B3GALT1: variants seen among roughly 807,000 people sequenced by gnomAD.
B3GALT1 encodes the protein beta-1,3-galactosyltransferase 1, also known as UDP-Gal:betaGlcNAc beta 1,3-galactosyltransferase, polypeptide 1.
Under a neutral mutation model 23.2 loss-of-function variants are expected in B3GALT1, and 10 were observed. That is an observed-to-expected ratio of 0.43 (90% CI 0.27 to 0.73). The LOEUF is 0.73. Among genes scored for constraint, B3GALT1 ranks in the 30% least tolerant of loss-of-function variants. B3GALT1 has a pLI of 0.21. For synonymous variants in B3GALT1, 156 were observed against 141.5 expected, an observed-to-expected ratio of 1.10 and a Z score of -0.73; for missense variants, 299 against 405.4, an observed-to-expected ratio of 0.74 and a Z score of 2.25.
chr2:167,361,208 A>G (rs960087065), intron 1 of B3GALT1, among the ~76,000 whole-genome samples: 1 of 121,274 alleles, frequency 8.2e-6, no homozygotes, highest in Non-Finnish European at 1.7e-5. Context: ...GATTTCCCCC[A>G]CTAGTTTTTT....
At chr2:167,515,390 T>A (rs1228791340) in intron 2 of B3GALT1, among the ~76,000 whole-genome samples, 4 of 152,162 alleles carry the variant, frequency 2.6e-5, no homozygotes, top group African/African-American at 9.6e-5. Context: ...TTACTTCAAA[T>A]TGTCCTCCTA....
intron 3 of B3GALT1, among the ~76,000 whole-genome samples, chr2:167,698,370 C>T (rs150539360): frequency 0.016 from 2,480 of 152,230 alleles, 29 homozygotes; most frequent in Non-Finnish European, 0.024. Context: ...AGATCATCTC[C>T]TTCCTATTTT....
intron 4 of B3GALT1, among the ~76,000 whole-genome samples, chr2:167,862,217 A>T (rs1006093328): frequency 2.0e-5 from 3 of 152,246 alleles, no homozygotes; most frequent in African/African-American, 7.2e-5. Context: ...AAGTCCCATG[A>T]TCTGCTCTCT....
At chr2:167,347,374 T>A (rs1697236335) in intron 1 of B3GALT1, among the ~76,000 whole-genome samples, 1 of 152,220 alleles carries the variant, frequency 6.6e-6, no homozygotes, top group Admixed American at 6.5e-5. Context: ...TAATCCTCTT[T>A]TATCTTAATT....
chr2:167,873,893 A>G lies in B3GALT1; in HGVS notation c.*3873A>G, dbSNP rs1292190885. On this transcript the variant is annotated 3_prime_UTR_variant, in exon 5 of 5. Transcript: ENST00000392690. ...ACTAAAAATGACAGACACTGAAGAT[A>G]TCATTACACTTTCTTCACCTTCCTC... 6.6e-6 allele frequency: 1 copy of G among 152,230 alleles called. No homozygotes were observed. The highest frequency in any genetic ancestry group is 1.9e-4 in the East Asian group (1 of 5,198). The allele number at this position is 152,230 out of a possible 1,614,324, so 9.4% of individuals were successfully genotyped here.
intron 2 of B3GALT1, among the ~76,000 whole-genome samples, chr2:167,559,601 A>T (rs1385285025): frequency 6.6e-6 from 1 of 152,234 alleles, no homozygotes; most frequent in Non-Finnish European, 1.5e-5. Flanking sequence ...AATACAGAGA[A>T]GTGCTTAAAG....
At chr2:167,544,338 A>G (rs7592303) in intron 2 of B3GALT1, among the ~76,000 whole-genome samples, 2,303 of 152,268 alleles carry the variant, frequency 0.015, 56 homozygotes, top group African/African-American at 0.052. Context: ...TCTGTTGCCC[A>G]GGCCGGAGTG....
chr2:167,717,301 T>C (rs1687161580), intron 3 of B3GALT1, among the ~76,000 whole-genome samples: 1 of 152,032 alleles, frequency 6.6e-6, no homozygotes, highest in South Asian at 2.1e-4. Flanking sequence ...TGAGTTTTTT[T>C]TTTATACTTT....
chr2:167,840,088 C>T (rs1246166506), intron 4 of B3GALT1, among the ~76,000 whole-genome samples: 1 of 152,166 alleles, frequency 6.6e-6, no homozygotes, highest in South Asian at 2.1e-4. Context: ...AGAAGAAAAC[C>T]TAGGCATTAC....
intron 1 of B3GALT1, among the ~76,000 whole-genome samples, chr2:167,378,333 G>A (rs1697795694): frequency 1.3e-5 from 2 of 151,986 alleles, no homozygotes; most frequent in African/African-American, 2.4e-5. Flanking sequence ...TATCTCGCAG[G>A]TGTTCTCTGG....
intron 4 of B3GALT1, among the ~76,000 whole-genome samples, chr2:167,863,990 ATGTGTGTGTG>A (rs34276280): frequency 0.11 from 16,346 of 143,686 alleles, 1,087 homozygotes; most frequent in East Asian, 0.23. Flanking sequence ...GCATGTATGT[ATGTGTGTGTG>A]TGTGTGTGTG....
chr2:167,626,109 G>A (rs1435257413), intron 2 of B3GALT1, among the ~76,000 whole-genome samples: 1 of 150,926 alleles, frequency 6.6e-6, no homozygotes, highest in African/African-American at 2.4e-5. Flanking sequence ...AAGGTGATTT[G>A]AAAAGAAACA....
chr2:167,739,570 A>G (rs1301123379), intron 3 of B3GALT1, among the ~76,000 whole-genome samples: 1 of 151,974 alleles, frequency 6.6e-6, no homozygotes, highest in Admixed American at 6.6e-5. Flanking sequence ...TAGCATTAGC[A>G]TTTTTCTTTC....
At chr2:167,572,350 A>G (rs749291051) in intron 2 of B3GALT1, among the ~76,000 whole-genome samples, 1 of 151,820 alleles carries the variant, frequency 6.6e-6, no homozygotes, top group Non-Finnish European at 1.5e-5. Context: ...ATTATAGGCT[A>G]CAAACCTCCA....
At chr2:167,502,006 C>T (rs1699855608) in intron 2 of B3GALT1, among the ~76,000 whole-genome samples, 1 of 152,102 alleles carries the variant, frequency 6.6e-6, no homozygotes. Context: ...ATAACTTCTA[C>T]ATCCTATTTT....
At chr2:167,470,164 C>T (rs1478648925) in intron 1 of B3GALT1, among the ~76,000 whole-genome samples, 6 of 151,980 alleles carry the variant, frequency 3.9e-5, no homozygotes, top group African/African-American at 1.4e-4. Flanking sequence ...TCTGCTATAC[C>T]CATAGGGTGT....
intron 3 of B3GALT1, chr2:167,713,929 C>T (rs1384404344): frequency 1.5e-5 from 23 of 1,572,488 alleles, no homozygotes; most frequent in Admixed American, 5.0e-5. Flanking sequence ...GTCCTCTTCT[C>T]GTGAACAGGC....
chr2:167,637,166 G>A (rs747081687), intron 2 of B3GALT1, among the ~76,000 whole-genome samples: 1 of 151,944 alleles, frequency 6.6e-6, no homozygotes, highest in Non-Finnish European at 1.5e-5. Context: ...TCTGAATCAA[G>A]ATGGATTTCT....
chr2:167,535,887 G>C (rs1026923255), intron 2 of B3GALT1, among the ~76,000 whole-genome samples: 5 of 152,040 alleles, frequency 3.3e-5, no homozygotes, highest in Admixed American at 2.0e-4. Context: ...CAACAAAATT[G>C]GTTGTCTAGT....
Sources: allele counts gnomAD v4.1 joint callset (sites outside exome capture counted in the v4.1 genomes callset), GRCh38; gene constraint gnomAD v4.1.1; transcripts MANE v1.5; gene names NCBI Gene and HGNC (gene_info 2026-07-23, HGNC 2026-07-21).